ADAR: variants seen among roughly 807,000 people sequenced by gnomAD.
The protein encoded by ADAR is double-stranded RNA-specific adenosine deaminase.
ADAR carries 41 observed loss-of-function variants against 113.2 expected under a neutral mutation model. The ratio of observed to expected loss-of-function variants is 0.36; its 90% CI spans 0.28 to 0.47. ADAR has a LOEUF of 0.47. ADAR is among the 20% of genes least tolerant of loss of function. ADAR has a pLI of 1.00. For missense variants in ADAR, 1,242 were observed against 1,540.9 expected (o/e 0.81, Z 3.25); for synonymous variants, 605 against 572.6 (o/e 1.06, Z -0.81).
intron 6 of ADAR, among the ~76,000 whole-genome samples, chr1:154,592,302 A>T (rs1697199118): frequency 6.6e-6 from 1 of 152,020 alleles, no homozygotes; most frequent in East Asian, 1.9e-4. Flanking sequence ...CCTAAGTCAA[A>T]CTGTGCTATA....
chr1:154,607,644 C>T (rs1298213710), intron 1 of ADAR, among the ~76,000 whole-genome samples: 6 of 152,172 alleles, frequency 3.9e-5, no homozygotes, highest in Non-Finnish European at 8.8e-5. Flanking sequence ...CCTCTTCACG[C>T]ACTGCTCCAT....
At chr1:154,597,712 C>T in intron 4 of ADAR, 116 bp downstream of exon 4, 1 of 1,403,924 alleles carries the variant, frequency 7.1e-7, no homozygotes. Flanking sequence ...CTCCTTTCCC[C>T]ATTTTGAAAC....
At chr1:154,623,725 G>A (rs1178886749) in intron 1 of ADAR, among the ~76,000 whole-genome samples, 6 of 152,100 alleles carry the variant, frequency 3.9e-5, no homozygotes, top group South Asian at 2.1e-4. Context: ...CAAGAAGGCC[G>A]GGCACAGTAG....
intron 1 of ADAR, among the ~76,000 whole-genome samples, chr1:154,625,396 G>A (rs189043553): frequency 2.0e-5 from 3 of 152,272 alleles, no homozygotes; most frequent in Non-Finnish European, 2.9e-5. Flanking sequence ...CCACACAGCT[G>A]GCTTCAAGTT....
intron 1 of ADAR, among the ~76,000 whole-genome samples, chr1:154,626,411 G>A (rs577406330): frequency 1.2e-3 from 184 of 152,162 alleles, no homozygotes; most frequent in African/African-American, 3.9e-3. Context: ...CACTGCACCC[G>A]GCCTAAAGTG....
In ADAR at chr1:154,602,165, A is replaced by G; in HGVS notation, c.477T>C (p.His159=). ...GAGTCCCAAGTTTCCCAGACAGATC[A>G]TGTGCTGTGGTGGCCTTCCCTTCCC... ...ELGEGKATTA[H]DLSGKLGTPK... Residue 159 remains histidine, a synonymous_variant, in exon 2 of 15, where the codon CAT becomes CAC. Coordinates refer to ENST00000368474, the MANE Select transcript of ADAR (RefSeq NM_001111.5). The G allele has an allele frequency of 3.1e-6, 5 of 1,614,192 alleles. No homozygotes were observed. The highest frequency in any genetic ancestry group is 4.2e-6 in the Non-Finnish European group (5 of 1,180,032).
Position 154,585,310 on chromosome 1 carries a change from T to C in ADAR, c.3350A>G (p.Gln1117Arg). Reference sequence around the variant, plus strand: ...GCTTGTCTCCTTAGTCTTCCCGGATTGCCTTTTGGAATCATATATGCTGAC... The same window carrying C: ...GCTTGTCTCCTTAGTCTTCCCGGATCGCCTTTTGGAATCATATATGCTGAC... ...GRVSIYDSKRQSGKTKETSVN... is the reference protein window; with the variant it reads ...GRVSIYDSKRRSGKTKETSVN... Residue 1117 changes from glutamine to arginine, a missense_variant, in exon 14 of 15, where the codon CAA becomes CGA. Around this residue, in one of 2 missense-constraint regions of ADAR, gnomAD observed 780 missense variants for 1,057.9 expected, o/e 0.74. Transcript: ENST00000368474. 1 of 1,614,190 alleles carries C rather than the reference T, an allele frequency of 6.2e-7. No homozygotes were observed. The highest frequency in any genetic ancestry group is 8.5e-7 in the Non-Finnish European group (1 of 1,180,024).
chr1:154,619,087 G>GCCGC (rs1698714671), intron 1 of ADAR, among the ~76,000 whole-genome samples: 1 of 152,138 alleles, frequency 6.6e-6, no homozygotes, highest in Non-Finnish European at 1.5e-5. Flanking sequence ...TCCAGCCTGG[G>GCCGC]CAACAGAGTG....
intron 1 of ADAR, among the ~76,000 whole-genome samples, chr1:154,615,907 T>A (rs1172500044): frequency 1.3e-5 from 2 of 152,212 alleles, no homozygotes; most frequent in Non-Finnish European, 2.9e-5. Context: ...AAACTTTTAG[T>A]AAGATTGTGT....
chr1:154,601,884 C>T lies in ADAR; in HGVS notation c.758G>A (p.Trp253Ter), dbSNP rs2101642015. 1.9e-6 allele frequency: 3 copies of T among 1,614,100 alleles called. No individual in the cohort carries two copies. Among genetic ancestry groups the T allele is most frequent in the Non-Finnish European group, 2.5e-6 (3 of 1,180,028 alleles). ...TCTTACCACTCCGCTGTGCTGGTTC[C>T]AAGCCTGAGCTGAGACTGCAATAAA... ...EPFIAVSAQA[W>*]NQHSGVVRPD... Residue 253 changes from tryptophan (W) to a stop codon, truncating the protein, a stop_gained, in exon 2 of 15, where the codon TGG (tryptophan) becomes TAG (stop). Coordinates refer to ENST00000368474, the MANE Select transcript of ADAR (RefSeq NM_001111.5). LOFTEE classifies it high-confidence loss of function. This position sits in a 1 kb window ranked among gnomAD's most constrained non-coding sequence, Gnocchi z 4.7.
At chr1:154,611,845 G>C (rs918263790), upstream of ADAR, among the ~76,000 whole-genome samples, 1 of 152,234 alleles carries the variant, frequency 6.6e-6, no homozygotes, top group Non-Finnish European at 1.5e-5. Context: ...CAGAAACTCA[G>C]TATTCTCAGA....
intron 3 of ADAR, 60 bp from the exon 4 acceptor site, chr1:154,598,036 C>T: frequency 6.4e-7 from 1 of 1,571,444 alleles, no homozygotes; most frequent in South Asian, 1.1e-5. Context: ...TAGTCCATCA[C>T]AGAAGAAGGG....
Position 154,588,465 on chromosome 1 carries a change from C to T in ADAR, c.2885+86G>A, listed in dbSNP as rs900006940. On this transcript the variant is annotated intron_variant, in intron 10 of 14. Transcript: ENST00000368474. ...GGAGTGTGGCTTATTGTATCAGGTTCGATTTACAGGCCAGGAGAGCATTTG... is the reference window on the plus strand; with the variant it reads ...GGAGTGTGGCTTATTGTATCAGGTTTGATTTACAGGCCAGGAGAGCATTTG... 8.2e-6 allele frequency: 13 copies of T among 1,580,286 alleles called. No homozygotes were observed. In the Admixed American group the frequency reaches 1.0e-4, roughly 12 times the overall value.
At chr1:154,617,565 T>C (rs989177164) in intron 1 of ADAR, among the ~76,000 whole-genome samples, 1 of 152,156 alleles carries the variant, frequency 6.6e-6, no homozygotes, top group Non-Finnish European at 1.5e-5. Context: ...ATATCATATG[T>C]AGAATGGAAC....
chr1:154,612,987 A>G (rs182955828), upstream of ADAR, among the ~76,000 whole-genome samples: 1 of 150,392 alleles, frequency 6.6e-6, no homozygotes, highest in Non-Finnish European at 1.5e-5. Flanking sequence ...AATTTTTTGT[A>G]TTTTTAGTAG....
chr1:154,594,777 C>G (rs1334310629), intron 6 of ADAR, among the ~76,000 whole-genome samples: 6 of 152,194 alleles, frequency 3.9e-5, no homozygotes, highest in Non-Finnish European at 8.8e-5. Flanking sequence ...ATGTTTACTT[C>G]TGAGAAACTG....
At chr1:154,615,282 C>T (rs1419146255) in intron 1 of ADAR, among the ~76,000 whole-genome samples, 4 of 152,202 alleles carry the variant, frequency 2.6e-5, no homozygotes, top group Non-Finnish European at 5.9e-5. Flanking sequence ...CAATACAAAC[C>T]AGGGAGCTCC....
At chr1:154,598,052 G>GTCCCCCATCCCC in intron 3 of ADAR, 76 bp from the exon 4 acceptor site, 1 of 1,506,450 alleles carries the variant, frequency 6.6e-7, no homozygotes. Flanking sequence ...AAGGGATGGG[G>GTCCCCCATCCCC]ATGGGGGACT....
At position 154,607,996 on chromosome 1, in the gene ADAR, C is replaced by G. The variant is rs1698313727; in HGVS notation, c.11G>C (p.Arg4Pro). The change falls in exon 1 of 15, where the codon CGG (arginine) becomes CCG (proline). Residue 4 changes from arginine to proline, a missense_variant. By Grantham distance (103) the Arg-to-Pro change is moderately radical (BLOSUM62 -2). Coordinates refer to ENST00000368474, the MANE Select transcript of ADAR (RefSeq NM_001111.5). MNP[R>P]QGYSLSGYYT... ...TCCAAGGCCGGCCCGGCTTACCTGC[C>G]GCGGATTCATTGCGCCCGCGAGGCA... 13 of 1,607,674 alleles carry G rather than the reference C, an allele frequency of 8.1e-6. No homozygotes were observed. In the East Asian group the frequency reaches 2.7e-4, roughly 33 times the overall value.
Sources: gnomAD v4.1 joint callset for allele counts (sites outside exome capture counted in the v4.1 genomes callset) on GRCh38, gnomAD v4.1.1 for gene constraint, gnomAD v4.1.1 regional missense constraint, Gnocchi (gnomAD v3.1) non-coding constraint, MANE v1.5 for transcripts, NCBI Gene and HGNC (gene_info 2026-07-23, HGNC 2026-07-21) for gene names.